Variants in TAF3 observed in about 807,000 individuals in gnomAD.
TAF3 encodes the protein transcription initiation factor TFIID subunit 3.
Under a neutral mutation model 80.6 loss-of-function variants are expected in TAF3, and 7 were observed. The ratio of observed to expected loss-of-function variants is 0.09; its 90% CI spans 0.05 to 0.16. The LOEUF (loss-of-function observed/expected upper bound fraction) is 0.16, where lower values mean the gene tolerates loss of function less well. TAF3 is among the 10% of genes least tolerant of loss of function. TAF3 has a pLI of 1.00. For synonymous variants in TAF3, 444 were observed against 446.1 expected (o/e 1.00, Z 0.06); for missense variants, 921 against 1,140.2 (o/e 0.81, Z 2.77).
At chr10:7,994,830 C>A (rs1292905431) in intron 4 of TAF3, among the ~76,000 whole-genome samples, 2 of 143,048 alleles carry the variant, frequency 1.4e-5, no homozygotes, top group Non-Finnish European at 1.5e-5. Flanking sequence ...AAAAAAATAG[C>A]TGGGTGTGGT....
chr10:7,907,782 A>C (rs1159788037), intron 2 of TAF3, among the ~76,000 whole-genome samples: 1 of 152,174 alleles, frequency 6.6e-6, no homozygotes, highest in Non-Finnish European at 1.5e-5. Context: ...GGAGCCATGA[A>C]AGGTGTTTGG....
intron 4 of TAF3, among the ~76,000 whole-genome samples, chr10:7,986,033 C>T (rs1831774067): frequency 6.6e-6 from 1 of 152,142 alleles, no homozygotes; most frequent in African/African-American, 2.4e-5. Flanking sequence ...ATCCACCCAC[C>T]TCGGCCTCCC....
chr10:7,946,073 C>A (rs542505593), intron 2 of TAF3, among the ~76,000 whole-genome samples: 2 of 152,286 alleles, frequency 1.3e-5, no homozygotes, highest in African/African-American at 4.8e-5. Flanking sequence ...CTGAAGCCAC[C>A]CTCTCGGGTC....
intron 2 of TAF3, among the ~76,000 whole-genome samples, chr10:7,829,078 T>C (rs1237372920): frequency 1.4e-5 from 2 of 145,442 alleles, no homozygotes; most frequent in South Asian, 2.2e-4. Context: ...CCATGTACCC[T>C]GACTTATTGC....
chr10:7,977,768 A>G (rs928266238), intron 4 of TAF3, among the ~76,000 whole-genome samples: 1 of 152,222 alleles, frequency 6.6e-6, no homozygotes, highest in African/African-American at 2.4e-5. Context: ...GTACCTGTAA[A>G]ACAAAGAAAT....
chr10:7,847,463 A>G (rs951857972), intron 2 of TAF3, among the ~76,000 whole-genome samples: 1 of 152,170 alleles, frequency 6.6e-6, no homozygotes, highest in Admixed American at 6.5e-5. Flanking sequence ...TCTTTTTTTT[A>G]AGACAGAGTC....
chr10:7,984,119 C>T (rs1382302150), intron 4 of TAF3, among the ~76,000 whole-genome samples: 1 of 152,012 alleles, frequency 6.6e-6, no homozygotes, highest in African/African-American at 2.4e-5. Context: ...AGTCCCAAAC[C>T]CATAGATCTT....
At chr10:7,890,447 T>G (rs539473949) in intron 2 of TAF3, among the ~76,000 whole-genome samples, 5 of 152,336 alleles carry the variant, frequency 3.3e-5, no homozygotes, top group African/African-American at 1.2e-4. Context: ...TTAGAGTTGG[T>G]TAATCGCAGA....
At chr10:7,992,277 A>G (rs1178202119) in intron 4 of TAF3, among the ~76,000 whole-genome samples, 1 of 152,228 alleles carries the variant, frequency 6.6e-6, no homozygotes, top group Non-Finnish European at 1.5e-5. Flanking sequence ...AGTACCCCAG[A>G]CAACACTCTC....
intron 4 of TAF3, among the ~76,000 whole-genome samples, chr10:8,000,617 C>G (rs1831934837): frequency 1.3e-5 from 2 of 151,852 alleles, no homozygotes; most frequent in South Asian, 4.2e-4. Flanking sequence ...CAAAAAAATA[C>G]GTATACAAAA....
rs146177742 is a variant in TAF3, at chr10:7,972,331, A to G, written c.2233-4910A>G. 1.2e-4 allele frequency among the ~76,000 whole-genome samples: 19 copies of G among 152,342 alleles called. No homozygotes were observed. In the East Asian group the frequency reaches 1.5e-3, roughly 12 times the overall value. On this transcript the variant is annotated intron_variant, in intron 3 of 6. Coordinates refer to ENST00000344293, the MANE Select transcript of TAF3 (RefSeq NM_031923.4). The stretch of plus-strand genomic sequence containing the variant: ...AAATTGTACTTTCTGTATGTATATT[A>G]TTAGCATCCTCATTAATCTTTTTCT...
In TAF3 at chr10:7,910,268, G is replaced by A. The variant is rs1272115821; in HGVS notation, c.410-53652G>A. On this transcript the variant is annotated intron_variant, in intron 2 of 6. Transcript: ENST00000344293. ...TCCTACTTTTATTTAAGTATGAAGT[G>A]TCTAATAAAGATGTATAGTGTGACG... is the stretch of plus-strand genomic sequence containing the variant. Among the ~76,000 whole-genome samples, 3 of 152,134 alleles carry A rather than the reference G, an allele frequency of 2.0e-5. No homozygotes were observed. The East Asian group carries it at 5.8e-4, about 29-fold the overall frequency.
chr10:8,008,922 TCATG>T (rs1401847689), intron 4 of TAF3, among the ~76,000 whole-genome samples, 152 bp from the exon 5 acceptor site: 1 of 152,230 alleles, frequency 6.6e-6, no homozygotes. Context: ...AGAGGCCACT[TCATG>T]CAGGGCCTGG....
intron 4 of TAF3, among the ~76,000 whole-genome samples, chr10:8,008,465 T>G (rs979149352): frequency 2.0e-5 from 3 of 152,156 alleles, no homozygotes; most frequent in Non-Finnish European, 4.4e-5. Context: ...CTTCACAGTT[T>G]TATTGACAAT....
chr10:7,973,884 C>T (rs1267508464), intron 3 of TAF3, among the ~76,000 whole-genome samples: 1 of 152,088 alleles, frequency 6.6e-6, no homozygotes, highest in African/African-American at 2.4e-5. Flanking sequence ...TATCCCAGCA[C>T]TTTGGGAGGC....
rs180767257 is a variant in TAF3 at position 7,858,833 on chromosome 10, C to T, written c.409+34273C>T. On this transcript the variant is annotated intron_variant, in intron 2 of 6. Transcript: ENST00000344293. ...GTGTGTGTGTGTGTGTGTGTGCGCG[C>T]GCCTGCATGTCACTGAATGTACGTG... is the stretch of plus-strand genomic sequence containing the variant. 1.4e-3 allele frequency among the ~76,000 whole-genome samples: 210 copies of T among 151,144 alleles called. 6 individuals carry two copies. In the East Asian group the frequency reaches 0.03, roughly 22 times the overall value.
At chr10:8,005,650 AG>A (rs1281134562) in intron 4 of TAF3, among the ~76,000 whole-genome samples, 2 of 152,178 alleles carry the variant, frequency 1.3e-5, no homozygotes, top group East Asian at 3.8e-4. Flanking sequence ...CTTACCTCTC[AG>A]GGTTCCTGCT....
intron 3 of TAF3, among the ~76,000 whole-genome samples, chr10:7,970,729 A>T (rs34502665): frequency 0.062 from 9,391 of 152,302 alleles, 369 homozygotes; most frequent in South Asian, 0.14. Flanking sequence ...ACAATTAAAA[A>T]TTTTAATGTT....
intron 3 of TAF3, among the ~76,000 whole-genome samples, chr10:7,972,676 A>G (rs1831632206): frequency 6.6e-6 from 1 of 152,214 alleles, no homozygotes; most frequent in South Asian, 2.1e-4. Context: ...ACTTTTGTTT[A>G]CTTAATTTTT....
Sources: allele counts gnomAD v4.1 joint callset (sites outside exome capture counted in the v4.1 genomes callset), GRCh38; gene constraint gnomAD v4.1.1; transcripts MANE v1.5; gene names NCBI Gene and HGNC (gene_info 2026-07-23, HGNC 2026-07-21).